SAG: variants seen among roughly 807,000 people sequenced by gnomAD.
SAG encodes the protein S-arrestin.
A neutral mutation model predicts 55.0 loss-of-function variants in SAG; 45 were observed. The observed-to-expected ratio is 0.82, with a 90% confidence interval of 0.64 to 1.05. The LOEUF (loss-of-function observed/expected upper bound fraction) is 1.05. Ranked by LOEUF, SAG falls within the 50% of genes least tolerant of loss-of-function variation. The probability of loss-of-function intolerance (pLI) is 0.00; values close to 1 mark genes in which losing one functional copy is unlikely to be tolerated. For synonymous variants in SAG, 189 were observed against 197.4 expected, an observed-to-expected ratio of 0.96 and a Z score of 0.36; for missense variants, 455 against 512.1, an observed-to-expected ratio of 0.89 and a Z score of 1.08.
At chr2:233,335,432 A>G (rs1393107465) in intron 11 of SAG, among the ~76,000 whole-genome samples, 2 of 152,246 alleles carry the variant, frequency 1.3e-5, no homozygotes, top group African/African-American at 2.4e-5. Context: ...TAGAGTGATT[A>G]TAAGGATTCA....
chr2:233,334,014 G>A (rs1218566205), intron 10 of SAG: 1 of 152,248 alleles, frequency 6.6e-6, no homozygotes, highest in East Asian at 1.9e-4. Flanking sequence ...GAATGGTCCT[G>A]ATGCTGGCCA....
intron 14 of SAG, chr2:233,345,222 TAACTC>T (rs1350923653): frequency 1.3e-5 from 2 of 152,224 alleles, no homozygotes; most frequent in Non-Finnish European, 2.9e-5. Context: ...TGTGAAAACA[TAACTC>T]AACAACAACA....
chr2:233,326,006 A>G (rs1700542517), intron 6 of SAG, among the ~76,000 whole-genome samples: 1 of 150,848 alleles, frequency 6.6e-6, no homozygotes, highest in Admixed American at 6.7e-5. Context: ...ATATGTCACC[A>G]TGGACAGAGC....
chr2:233,320,589 G>C lies in SAG; in HGVS notation c.182-41G>C, dbSNP rs759945369. On this transcript the variant is annotated intron_variant, in intron 4 of 15. Transcript: ENST00000409110. ...TTCCGTCAGTGGTGGTGGGTGCCAGGCCGAGGGCCAAGTCCGACCCTGCCT... is the reference window on the plus strand; with the variant it reads ...TTCCGTCAGTGGTGGTGGGTGCCAGCCCGAGGGCCAAGTCCGACCCTGCCT... 35 of 1,502,506 alleles carry C rather than the reference G, an allele frequency of 2.3e-5. No homozygotes were observed. In the South Asian group the frequency reaches 3.2e-4, roughly 14 times the overall value. 93.1% of individuals were successfully genotyped at this position (1,502,506 alleles called of 1,614,324 possible). A position where few individuals can be genotyped will look rare whatever the true frequency, so the allele number is the denominator to read the frequency against.
Position 233,320,906 on chromosome 2 carries a change from G to A in SAG, c.375+83G>A, listed in dbSNP as rs1020938941. On this transcript the variant is annotated intron_variant, in intron 5 of 15. Transcript: ENST00000409110. ...ATGGGGGCAAAGGAAAGGGGATAGAGGAAGAACTTCACATCTGCAGGCCTG... is the reference window on the plus strand; with the variant it reads ...ATGGGGGCAAAGGAAAGGGGATAGAAGAAGAACTTCACATCTGCAGGCCTG... The A allele has an allele frequency of 7.3e-5, 88 of 1,203,402 alleles. No individual in the cohort carries two copies. In the Middle Eastern group the frequency reaches 1.4e-3, roughly 20 times the overall value. The allele number at this position is 1,203,402 out of a possible 1,614,324, so 74.5% of individuals were successfully genotyped here.
chr2:233,340,081 C>T lies in SAG; in HGVS notation c.1023-374C>T, dbSNP rs941923268. Among the ~76,000 whole-genome samples the T allele has an allele frequency of 1.3e-5, 2 of 150,992 alleles. No homozygotes were observed. The highest frequency in any genetic ancestry group is 2.4e-5 in the African/African-American group (1 of 41,062). On this transcript the variant is annotated intron_variant, in intron 12 of 15. Transcript: ENST00000409110. The surrounding 1 kb of genome is among the most constrained non-coding windows in gnomAD (Gnocchi z 4.2). ...AAGCAATTCCCCTGCCTCAGCCTCC[C>T]GAGTAGCTAAGATTACAGGCGCCTG... is the stretch of plus-strand genomic sequence containing the variant.
At chr2:233,341,321 G>C (rs989334848) in intron 13 of SAG, among the ~76,000 whole-genome samples, 12 of 152,094 alleles carry the variant, frequency 7.9e-5, no homozygotes, top group African/African-American at 2.9e-4. Flanking sequence ...GAGCTGAGAT[G>C]ATGCAGTACA....
At chr2:233,333,078 G>A (rs1700818879) in intron 10 of SAG, 2 of 152,300 alleles carry the variant, frequency 1.3e-5, no homozygotes, top group Non-Finnish European at 2.9e-5. Flanking sequence ...TTACAGGCGT[G>A]AGCCACCGCA....
At chr2:233,326,672 A>G (rs1358408106) in intron 6 of SAG, among the ~76,000 whole-genome samples, 1 of 151,840 alleles carries the variant, frequency 6.6e-6, no homozygotes, top group Non-Finnish European at 1.5e-5. Flanking sequence ...GCAGGTGACC[A>G]TGGGGGTCAG....
At chr2:233,336,370 C>T (rs1700927463) in intron 11 of SAG, among the ~76,000 whole-genome samples, 1 of 152,044 alleles carries the variant, frequency 6.6e-6, no homozygotes, top group Admixed American at 6.6e-5. Context: ...CAAAAATTAG[C>T]CAGGTGTGGT....
rs763249383 is a variant in SAG, at chr2:233,347,011, G to A, written c.*99G>A. On this transcript the variant is annotated 3_prime_UTR_variant, in exon 16 of 16. Coordinates refer to ENST00000409110, the MANE Select transcript of SAG (RefSeq NM_000541.5). This position sits in a 1 kb window ranked among gnomAD's most constrained non-coding sequence, Gnocchi z 4.5. ...TTTGGAGTTATGCTGCGTATGAAAG[G>A]ATGAGTCTTCTTCCGAGAAATAAAG... 7.3e-6 allele frequency: 5 copies of A among 680,886 alleles called. No individual in the cohort carries two copies. The highest frequency in any genetic ancestry group is 1.3e-5 in the Non-Finnish European group (5 of 385,860). The allele number at this position is 680,886 out of a possible 1,614,324, so 42.2% of individuals were successfully genotyped here. A position where few individuals can be genotyped will look rare whatever the true frequency, so the allele number is the denominator to read the frequency against.
At chr2:233,337,180 C>T (rs1014897341) in intron 11 of SAG, among the ~76,000 whole-genome samples, 1 of 151,794 alleles carries the variant, frequency 6.6e-6, no homozygotes. Flanking sequence ...CCTCTCTTCA[C>T]CAGGTACTTG....
At position 233,328,627 on chromosome 2, in the gene SAG, A is replaced by G. The variant is rs574448173; in HGVS notation, c.648+14A>G. On this transcript the variant is annotated intron_variant, in intron 8 of 15. Transcript: ENST00000409110. Reference sequence around the variant, plus strand: ...CTCAACAAAGAGGTAACCACCTACCATCGCTACTACCCGCAGGGCAGCAGG... The same window carrying G: ...CTCAACAAAGAGGTAACCACCTACCGTCGCTACTACCCGCAGGGCAGCAGG... The G allele has an allele frequency of 1.1e-5, 18 of 1,602,466 alleles. No individual in the cohort carries two copies. The South Asian group carries it at 1.8e-4, about 16-fold the overall frequency.
At chr2:233,314,066 TA>T (rs1200644620) in intron 2 of SAG, among the ~76,000 whole-genome samples, 7 of 151,216 alleles carry the variant, frequency 4.6e-5, no homozygotes, top group Non-Finnish European at 1.0e-4. Flanking sequence ...CAAAAAAATA[TA>T]AAAAATTAGC....
In SAG at chr2:233,321,914, C is replaced by T. The variant is rs117637393; in HGVS notation, c.376-1032C>T. On this transcript the variant is annotated intron_variant, in intron 5 of 15. Transcript: ENST00000409110. ...TCAACACGTATTGAAAGCCTTAAAA[C>T]GTGTGCTTCTCCGAGGTCAGGAGAT... Among the ~76,000 whole-genome samples the T allele has an allele frequency of 1.4e-3, 218 of 151,208 alleles. 1 individual carries two copies. The East Asian group carries it at 0.02, about 14-fold the overall frequency.
chr2:233,328,639 C>T (rs201229471), intron 8 of SAG, 26 bp downstream of exon 8: 4 of 1,591,040 alleles, frequency 2.5e-6, no homozygotes, highest in South Asian at 2.3e-5. Flanking sequence ...CGCTACTACC[C>T]GCAGGGCAGC....
Position 233,335,114 on chromosome 2 carries a change from C to G in SAG, c.944+15C>G. On this transcript the variant is annotated intron_variant, in intron 11 of 15. Transcript: ENST00000409110. Reference sequence around the variant, plus strand: ...TCCAGCACCATGTGAGTCCTCGAGGCTCAGGGAATAAGCCCTGGCAGGGCG... The same window carrying G: ...TCCAGCACCATGTGAGTCCTCGAGGGTCAGGGAATAAGCCCTGGCAGGGCG... The G allele has an allele frequency of 8.1e-6, 13 of 1,604,876 alleles. No individual in the cohort carries two copies. Among genetic ancestry groups the G allele is most frequent in the Non-Finnish European group, 1.1e-5 (13 of 1,172,896 alleles).
At chr2:233,318,385 G>A (rs909485312) in intron 3 of SAG, among the ~76,000 whole-genome samples, 1 of 151,250 alleles carries the variant, frequency 6.6e-6, no homozygotes, top group Non-Finnish European at 1.5e-5. Context: ...TACCCAGGCT[G>A]CTGGCTAATT....
intron 6 of SAG, among the ~76,000 whole-genome samples, chr2:233,325,017 C>T (rs1179314770): frequency 6.6e-6 from 1 of 151,962 alleles, no homozygotes; most frequent in Non-Finnish European, 1.5e-5. Context: ...CCTGTGGTCA[C>T]GAGTTTGAGA....
Sources: gnomAD v4.1 joint callset for allele counts (sites outside exome capture counted in the v4.1 genomes callset) on GRCh38, gnomAD v4.1.1 for gene constraint, Gnocchi (gnomAD v3.1) non-coding constraint, MANE v1.5 for transcripts, NCBI Gene and HGNC (gene_info 2026-07-23, HGNC 2026-07-21) for gene names.